Variants in ABLIM1 observed in about 807,000 individuals in gnomAD.
The protein encoded by ABLIM1 is actin-binding LIM protein 1.
A neutral mutation model predicts 107.0 loss-of-function variants in ABLIM1; 40 were observed. The observed-to-expected ratio is 0.37, with a 90% CI of 0.29 to 0.49. The LOEUF (loss-of-function observed/expected upper bound fraction) is 0.49, where lower values mean the gene tolerates loss of function less well. Ranked by LOEUF, ABLIM1 falls within the 20% of genes least tolerant of loss-of-function variation. The probability of loss-of-function intolerance (pLI) is 0.97; values close to 1 mark genes in which losing one functional copy is unlikely to be tolerated. For missense variants in ABLIM1, 857 were observed against 1,008.5 expected, an observed-to-expected ratio of 0.85 and a Z score of 2.04; for synonymous variants, 357 against 357.3, an observed-to-expected ratio of 1.00 and a Z score of 0.01.
At chr10:114,547,498 C>A (rs2067505878) in intron 5 of ABLIM1, 152 bp downstream of exon 5, 2 of 1,050,534 alleles carry the variant, frequency 1.9e-6, no homozygotes, top group African/African-American at 1.6e-5. Context: ...CAATTCTTTT[C>A]AAAAGTTTTA....
chr10:114,607,990 G>A (rs565640948), intron 1 of ABLIM1, among the ~76,000 whole-genome samples: 4 of 152,310 alleles, frequency 2.6e-5, no homozygotes, highest in South Asian at 4.2e-4. Flanking sequence ...TACTAACAGG[G>A]GAAACCAAGT....
intron 1 of ABLIM1, among the ~76,000 whole-genome samples, chr10:114,711,779 A>G (rs1313424844): frequency 4.6e-5 from 7 of 152,126 alleles, no homozygotes. Context: ...CCTTTCATAG[A>G]CAGACAACCA....
At chr10:114,605,834 A>G (rs1013150800) in intron 1 of ABLIM1, among the ~76,000 whole-genome samples, 1 of 152,142 alleles carries the variant, frequency 6.6e-6, no homozygotes, top group African/African-American at 2.4e-5. Context: ...GGAGTTTCAC[A>G]CTGTCTTTCA....
At chr10:114,569,565 G>A (rs558909236) in intron 4 of ABLIM1, among the ~76,000 whole-genome samples, 21 of 152,220 alleles carry the variant, frequency 1.4e-4, no homozygotes, top group African/African-American at 4.3e-4. Flanking sequence ...TGATCTGCCC[G>A]TCTCAGCCTC....
chr10:114,718,423 T>A (rs1374219831), intron 1 of ABLIM1, among the ~76,000 whole-genome samples: 10 of 152,204 alleles, frequency 6.6e-5, no homozygotes, highest in African/African-American at 2.4e-4. Flanking sequence ...CTGTATATTC[T>A]GAAAAGAATC....
At chr10:114,476,677 AAT>A (rs2056478023) in intron 8 of ABLIM1, among the ~76,000 whole-genome samples, 2 of 150,342 alleles carry the variant, frequency 1.3e-5, no homozygotes, top group South Asian at 2.1e-4. Flanking sequence ...TAATAATAAT[AAT>A]AAAGTGCAAT....
intron 6 of ABLIM1, among the ~76,000 whole-genome samples, chr10:114,511,374 AT>A (rs947685771): frequency 7.9e-5 from 12 of 151,322 alleles, no homozygotes; most frequent in South Asian, 6.3e-4. Flanking sequence ...CTTTAAAAAA[AT>A]TTTTTTTTGA....
upstream of ABLIM1, among the ~76,000 whole-genome samples, chr10:114,659,706 A>G (rs1187738518): frequency 1.3e-5 from 2 of 152,084 alleles, no homozygotes; most frequent in Non-Finnish European, 2.9e-5. Flanking sequence ...CATCATTTAC[A>G]TTTCTAAACA....
rs1319329397 is a variant in ABLIM1, at chr10:114,437,155, C to T, written c.2223+689G>A. Among the ~76,000 whole-genome samples the T allele has an allele frequency of 4.6e-5, 7 of 152,216 alleles. No homozygotes were observed. In the East Asian group the frequency reaches 1.4e-3, roughly 29 times the overall value. On this transcript the variant is annotated intron_variant, in intron 22 of 22. Transcript: ENST00000533213. Reference sequence around the variant, plus strand: ...TGCCGCTCCCACAGCCTCCCATGAACTCAACCCCAGCTCAGGGGAAGATAA... The same window carrying T: ...TGCCGCTCCCACAGCCTCCCATGAATTCAACCCCAGCTCAGGGGAAGATAA...
intron 1 of ABLIM1, among the ~76,000 whole-genome samples, chr10:114,721,586 A>T (rs1427546743): frequency 6.6e-6 from 1 of 151,964 alleles, no homozygotes; most frequent in African/African-American, 2.4e-5. Context: ...GGTTCAAATG[A>T]TTCTCCTGCC....
intron 6 of ABLIM1, among the ~76,000 whole-genome samples, chr10:114,510,488 A>G (rs1414699272): frequency 3.9e-5 from 6 of 152,040 alleles, no homozygotes; most frequent in Non-Finnish European, 8.8e-5. Flanking sequence ...TTTCTTGGGA[A>G]CAAGGACATT....
intron 4 of ABLIM1, among the ~76,000 whole-genome samples, chr10:114,551,598 A>G (rs2068068449): frequency 6.6e-6 from 1 of 152,236 alleles, no homozygotes; most frequent in Non-Finnish European, 1.5e-5. Context: ...GCAAACAATC[A>G]GAGACTGAAG....
chr10:114,736,322 A>G (rs1455267781), intron 1 of ABLIM1, among the ~76,000 whole-genome samples: 1 of 152,180 alleles, frequency 6.6e-6, no homozygotes, highest in East Asian at 1.9e-4. Flanking sequence ...GGCCATAGTG[A>G]CTTAATTTTC....
chr10:114,788,334 TA>T, the ABLIM1 span, among the ~76,000 whole-genome samples: 549 of 131,334 alleles, frequency 4.2e-3, 7 homozygotes, highest in African/African-American at 0.015. Flanking sequence ...AATAAAAAAA[TA>T]AAAAAAAAAA....
chr10:114,472,688 C>T (rs1172272010), intron 10 of ABLIM1, among the ~76,000 whole-genome samples: 1 of 152,074 alleles, frequency 6.6e-6, no homozygotes, highest in Non-Finnish European at 1.5e-5. Context: ...CCCTTATTTG[C>T]TCTGCCCAGC....
At chr10:114,611,213 T>A (rs937331715) in intron 1 of ABLIM1, among the ~76,000 whole-genome samples, 6 of 151,694 alleles carry the variant, frequency 4.0e-5, no homozygotes, top group African/African-American at 1.5e-4. Context: ...ATGCCTGTAA[T>A]CCCAACATTT....
intron 4 of ABLIM1, among the ~76,000 whole-genome samples, chr10:114,554,254 T>C (rs372291666): frequency 6.6e-6 from 1 of 152,104 alleles, no homozygotes; most frequent in African/African-American, 2.4e-5. Flanking sequence ...AGAAAGGAGA[T>C]AAGAAAGACC....
intron 10 of ABLIM1, 52 bp from the exon 11 acceptor site, chr10:114,468,268 GT>G: frequency 6.4e-7 from 1 of 1,555,802 alleles, no homozygotes; most frequent in Non-Finnish European, 8.9e-7. Context: ...ACTCTTTGCC[GT>G]TTTGTTTGTT....
At chr10:114,769,773 T>C (rs372300488), upstream of ABLIM1, among the ~76,000 whole-genome samples, 186 of 152,278 alleles carry the variant, frequency 1.2e-3, 2 homozygotes, top group South Asian at 0.038. Flanking sequence ...CAAATGATCA[T>C]GTGGGAAAGG....
Sources: gnomAD v4.1 joint callset for allele counts (sites outside exome capture counted in the v4.1 genomes callset) on GRCh38, gnomAD v4.1.1 for gene constraint, MANE v1.5 for transcripts, NCBI Gene and HGNC (gene_info 2026-07-23, HGNC 2026-07-21) for gene names.